Variants in RSU1 observed in about 807,000 individuals in gnomAD.
The protein encoded by RSU1 is rsu-1.
RSU1 carries 26 observed loss-of-function variants against 31.1 expected under a neutral mutation model. The observed-to-expected ratio is 0.84, with a 90% CI of 0.61 to 1.16. The LOEUF (loss-of-function observed/expected upper bound fraction) is 1.16, where lower values mean the gene tolerates loss of function less well. Ranked by LOEUF, RSU1 falls within the 50% of genes most tolerant of loss-of-function variation. The pLI is 0.00. For missense variants in RSU1, 320 were observed against 339.1 expected (o/e 0.94, Z 0.44); for synonymous variants, 164 against 136.3 (o/e 1.20, Z -1.41).
At chr10:16,805,757 T>C (rs1588548480) in intron 2 of RSU1, among the ~76,000 whole-genome samples, 1 of 152,072 alleles carries the variant, frequency 6.6e-6, no homozygotes, top group East Asian at 1.9e-4. Context: ...ATACTGGCAT[T>C]AGTAATATTA....
At chr10:16,651,686 T>TAA (rs1834686453) in intron 8 of RSU1, among the ~76,000 whole-genome samples, 2 of 152,214 alleles carry the variant, frequency 1.3e-5, no homozygotes, top group African/African-American at 2.4e-5. Context: ...TTTGCAATAT[T>TAA]ACTCTAAAGG....
chr10:16,737,269 A>G (rs1200454785), intron 7 of RSU1, among the ~76,000 whole-genome samples: 1 of 152,130 alleles, frequency 6.6e-6, no homozygotes, highest in African/African-American at 2.4e-5. Context: ...ATAAACCCAT[A>G]TATGAGACAA....
intron 7 of RSU1, among the ~76,000 whole-genome samples, chr10:16,751,888 T>C (rs1836987332): frequency 1.3e-5 from 2 of 152,138 alleles, no homozygotes; most frequent in Admixed American, 1.3e-4. Context: ...GTAACAGAAT[T>C]ACTGGCTTGG....
chr10:16,648,077 T>G (rs1162730934), intron 8 of RSU1, among the ~76,000 whole-genome samples: 3 of 150,936 alleles, frequency 2.0e-5, no homozygotes, highest in Non-Finnish European at 4.4e-5. Flanking sequence ...GCCTCCCAAG[T>G]AGCTGAGACT....
intron 8 of RSU1, among the ~76,000 whole-genome samples, chr10:16,645,271 A>G (rs1372999315): frequency 6.6e-6 from 1 of 152,186 alleles, no homozygotes; most frequent in East Asian, 1.9e-4. Context: ...AAAATGCAGA[A>G]GTATTCATTC....
At chr10:16,666,813 C>A (rs1834997643) in intron 8 of RSU1, among the ~76,000 whole-genome samples, 1 of 152,038 alleles carries the variant, frequency 6.6e-6, no homozygotes, top group Non-Finnish European at 1.5e-5. Context: ...CATGGTGAAA[C>A]CTCATCTTTA....
At chr10:16,685,024 G>T (rs1286377421) in intron 8 of RSU1, among the ~76,000 whole-genome samples, 1 of 152,126 alleles carries the variant, frequency 6.6e-6, no homozygotes, top group Non-Finnish European at 1.5e-5. Context: ...GAGGTGAGCG[G>T]ATCACCTGAG....
intron 8 of RSU1, among the ~76,000 whole-genome samples, chr10:16,674,617 G>C (rs1835189519): frequency 6.6e-6 from 1 of 152,042 alleles, no homozygotes; most frequent in South Asian, 2.1e-4. Context: ...AAAATTGGAG[G>C]CAGGAGTGGG....
chr10:16,757,753 T>TA (rs1307477980), intron 4 of RSU1, among the ~76,000 whole-genome samples: 6 of 152,210 alleles, frequency 3.9e-5, no homozygotes, highest in Admixed American at 6.5e-5. Flanking sequence ...TGGGCTCTGA[T>TA]ACAAGGATTC....
chr10:16,707,685 T>C (rs1238264350), intron 7 of RSU1, among the ~76,000 whole-genome samples: 1 of 151,924 alleles, frequency 6.6e-6, no homozygotes, highest in Non-Finnish European at 1.5e-5. Context: ...ACTCCGTCAA[T>C]AGCTTCCTTT....
Position 16,591,832 on chromosome 10 carries a change from A to G in RSU1, c.*1562T>C, listed in dbSNP as rs1057464185. 1.3e-5 allele frequency: 2 copies of G among 152,158 alleles called. No individual in the cohort carries two copies. The highest frequency in any genetic ancestry group is 4.8e-5 in the African/African-American group (2 of 41,432). The allele number at this position is 152,158 out of a possible 1,614,324, so 9.4% of individuals were successfully genotyped here. On this transcript the variant is annotated 3_prime_UTR_variant, in exon 9 of 9. Coordinates refer to ENST00000345264, the MANE Select transcript of RSU1 (RefSeq NM_012425.4). ...CCTTGTTCTCCCTCGTGCAATCTCA[A>G]AAGCTCAAAAGTCAATTAAAAAAAT... is the stretch of plus-strand genomic sequence containing the variant.
intron 2 of RSU1, among the ~76,000 whole-genome samples, chr10:16,798,294 A>G (rs1054558684): frequency 2.6e-5 from 4 of 152,218 alleles, no homozygotes; most frequent in Admixed American, 2.6e-4. Context: ...AAATCACAAT[A>G]AAAATACTTT....
intron 7 of RSU1, among the ~76,000 whole-genome samples, chr10:16,720,881 G>T (rs1021550095): frequency 1.5e-4 from 23 of 152,292 alleles, no homozygotes; most frequent in Admixed American, 3.3e-4. Flanking sequence ...AACTGCTTGG[G>T]AGGCTGAGGT....
chr10:16,700,093 CCAT>C (rs1210807644), intron 7 of RSU1, among the ~76,000 whole-genome samples: 1 of 152,122 alleles, frequency 6.6e-6, no homozygotes, highest in Non-Finnish European at 1.5e-5. Context: ...TTGGTTGTTT[CCAT>C]AATCACACTC....
At position 16,592,603 on chromosome 10, in the gene RSU1, C is replaced by G. The variant is rs1007800304; in HGVS notation, c.*791G>C. The G allele has an allele frequency of 6.6e-6, 1 of 152,148 alleles. No homozygotes were observed. The highest frequency in any genetic ancestry group is 1.9e-4 in the East Asian group (1 of 5,196). The allele number at this position is 152,148 out of a possible 1,614,324, so 9.4% of individuals were successfully genotyped here. ...CTCTCTCTTTCACAGTTCTTGTCTACCAGCCCCTGGCAGAAATCACCATTT... is the reference window on the plus strand; with the variant it reads ...CTCTCTCTTTCACAGTTCTTGTCTAGCAGCCCCTGGCAGAAATCACCATTT... On this transcript the variant is annotated 3_prime_UTR_variant, in exon 9 of 9. Transcript: ENST00000345264.
At chr10:16,650,267 G>A (rs369445665) in intron 8 of RSU1, among the ~76,000 whole-genome samples, 6 of 152,278 alleles carry the variant, frequency 3.9e-5, no homozygotes, top group East Asian at 3.9e-4. Flanking sequence ...GCAGGTTCAT[G>A]GGGTCTCATT....
intron 7 of RSU1, among the ~76,000 whole-genome samples, chr10:16,741,136 G>C (rs1489612418): frequency 6.6e-6 from 1 of 152,194 alleles, no homozygotes; most frequent in Non-Finnish European, 1.5e-5. Context: ...AAATAGCATT[G>C]AAAGTACAAA....
At chr10:16,741,336 A>G (rs1836745438) in intron 7 of RSU1, among the ~76,000 whole-genome samples, 1 of 152,214 alleles carries the variant, frequency 6.6e-6, no homozygotes, top group African/African-American at 2.4e-5. Flanking sequence ...ATATAAATGT[A>G]AGAGCCAAAC....
chr10:16,665,320 T>C (rs1422405292), intron 8 of RSU1, among the ~76,000 whole-genome samples: 2 of 152,134 alleles, frequency 1.3e-5, no homozygotes, highest in African/African-American at 2.4e-5. Context: ...ACTATTATCA[T>C]CTAATTTTAC....
Sources: gnomAD v4.1 joint callset for allele counts (sites outside exome capture counted in the v4.1 genomes callset) on GRCh38, gnomAD v4.1.1 for gene constraint, MANE v1.5 for transcripts, NCBI Gene and HGNC (gene_info 2026-07-23, HGNC 2026-07-21) for gene names.